SHISA9: variants seen among roughly 807,000 people sequenced by gnomAD.
SHISA9 encodes the protein shisa family member 9, also known as protein shisa-9.
Under a neutral mutation model 38.0 loss-of-function variants are expected in SHISA9, and 13 were observed. That is an observed-to-expected ratio of 0.34 (90% confidence interval 0.22 to 0.54). The LOEUF is 0.54. Ranked by LOEUF, SHISA9 falls within the 20% of genes least tolerant of loss-of-function variation. The pLI, the probability that SHISA9 is intolerant of heterozygous loss-of-function variation, is 0.91. For missense variants in SHISA9, 538 were observed against 575.8 expected (o/e 0.93, Z 0.67); for synonymous variants, 275 against 242.0 (o/e 1.14, Z -1.27).
At chr16:13,264,170 C>CT in the SHISA9 span, among the ~76,000 whole-genome samples, 19,214 of 124,274 alleles carry the variant, frequency 0.15, 1,909 homozygotes, top group East Asian at 0.37. Context: ...TGTTTTAAAT[C>CT]TTTTTTTTTT....
the SHISA9 span, among the ~76,000 whole-genome samples, chr16:13,556,865 T>C: frequency 6.6e-6 from 1 of 152,152 alleles, no homozygotes; most frequent in Admixed American, 6.5e-5. Flanking sequence ...TGTATTAGGT[T>C]TTATAAGTAA....
At chr16:13,218,851 G>A (rs187289499) in intron 4 of SHISA9, among the ~76,000 whole-genome samples, 1 of 152,194 alleles carries the variant, frequency 6.6e-6, no homozygotes, top group African/African-American at 2.4e-5. Flanking sequence ...CCATTGGAGT[G>A]CATGCATCCT....
chr16:13,324,677 G>C, the SHISA9 span, among the ~76,000 whole-genome samples: 6 of 152,146 alleles, frequency 3.9e-5, no homozygotes, highest in Non-Finnish European at 8.8e-5. Context: ...AAAAGTATCT[G>C]AGGCAGTATC....
chr16:12,967,724 G>A (rs1004974040), intron 2 of SHISA9, among the ~76,000 whole-genome samples: 7 of 151,544 alleles, frequency 4.6e-5, no homozygotes, highest in Non-Finnish European at 8.8e-5. Flanking sequence ...CCAAAGCATC[G>A]ATTCCTCTCC....
chr16:13,343,627 T>C, the SHISA9 span, among the ~76,000 whole-genome samples: 1 of 152,190 alleles, frequency 6.6e-6, no homozygotes, highest in Non-Finnish European at 1.5e-5. Flanking sequence ...AGAAATCCTA[T>C]AATTAAAGTC....
chr16:13,547,456 A>G, the SHISA9 span, among the ~76,000 whole-genome samples: 1 of 152,178 alleles, frequency 6.6e-6, no homozygotes, highest in Non-Finnish European at 1.5e-5. Flanking sequence ...CTGGAGAATA[A>G]GGAAAAATGG....
the SHISA9 span, among the ~76,000 whole-genome samples, chr16:13,495,668 AG>A: frequency 6.6e-6 from 1 of 152,020 alleles, no homozygotes; most frequent in Admixed American, 6.6e-5. Flanking sequence ...GAATGTAAAA[AG>A]TAAACATTTA....
intron 2 of SHISA9, among the ~76,000 whole-genome samples, chr16:13,006,842 C>A (rs1027737787): frequency 6.6e-6 from 1 of 152,168 alleles, no homozygotes; most frequent in East Asian, 1.9e-4. Flanking sequence ...CCCCGTCCCC[C>A]ACCCTTGGTT....
chr16:12,998,944 C>T (rs1487515850), intron 2 of SHISA9, among the ~76,000 whole-genome samples: 1 of 152,144 alleles, frequency 6.6e-6, no homozygotes, highest in African/African-American at 2.4e-5. Flanking sequence ...AGAGGAAATA[C>T]AGGGTTGGGT....
chr16:13,443,181 C>G, the SHISA9 span, among the ~76,000 whole-genome samples: 1 of 152,286 alleles, frequency 6.6e-6, no homozygotes, highest in South Asian at 2.1e-4. Flanking sequence ...TCCAACTGTA[C>G]CAAATATAAT....
chr16:13,055,640 G>T (rs1306146500), intron 2 of SHISA9, among the ~76,000 whole-genome samples: 1 of 152,116 alleles, frequency 6.6e-6, no homozygotes, highest in Non-Finnish European at 1.5e-5. Context: ...TACAAGAGCT[G>T]AGCAGAATTC....
intron 2 of SHISA9, among the ~76,000 whole-genome samples, chr16:13,088,689 A>G (rs146256808): frequency 0.051 from 7,775 of 152,318 alleles, 299 homozygotes; most frequent in Non-Finnish European, 0.071. Context: ...AAAGTTGCCT[A>G]TCAGCTTAAG....
chr16:13,437,986 C>G, the SHISA9 span, among the ~76,000 whole-genome samples: 1 of 151,658 alleles, frequency 6.6e-6, no homozygotes, highest in African/African-American at 2.4e-5. Flanking sequence ...CCGTCTCAGC[C>G]TCCCAAGTAG....
intron 2 of SHISA9, among the ~76,000 whole-genome samples, chr16:12,925,762 A>G (rs987315767): frequency 1.3e-5 from 2 of 152,212 alleles, no homozygotes; most frequent in Non-Finnish European, 2.9e-5. Flanking sequence ...TTTCTATTGG[A>G]ATATCTGGAT....
At chr16:12,929,637 C>T (rs542799004) in intron 2 of SHISA9, among the ~76,000 whole-genome samples, 10 of 151,504 alleles carry the variant, frequency 6.6e-5, no homozygotes, top group African/African-American at 1.7e-4. Flanking sequence ...TGGGGCCTCT[C>T]GGGGGTTGGG....
At chr16:13,323,588 A>G in the SHISA9 span, among the ~76,000 whole-genome samples, 16 of 152,158 alleles carry the variant, frequency 1.1e-4, no homozygotes, top group Middle Eastern at 3.2e-3. Flanking sequence ...ATCTATAAAG[A>G]AAAGAGGTTT....
At chr16:13,117,917 C>G (rs755959688) in intron 2 of SHISA9, among the ~76,000 whole-genome samples, 25 of 152,162 alleles carry the variant, frequency 1.6e-4, no homozygotes, top group Non-Finnish European at 2.4e-4. Flanking sequence ...TGTGATGGCT[C>G]ACACCTGTAA....
At chr16:12,985,356 C>T (rs2072294680) in intron 2 of SHISA9, among the ~76,000 whole-genome samples, 1 of 152,018 alleles carries the variant, frequency 6.6e-6, no homozygotes, top group Non-Finnish European at 1.5e-5. Context: ...TCTCTGTTAC[C>T]ACTTATTTCT....
intron 2 of SHISA9, among the ~76,000 whole-genome samples, chr16:12,918,703 T>C (rs996229441): frequency 6.6e-6 from 1 of 152,188 alleles, no homozygotes; most frequent in African/African-American, 2.4e-5. Context: ...ATCTTTTACA[T>C]CAAGGGAGAA....
Sources: allele counts gnomAD v4.1 joint callset (sites outside exome capture counted in the v4.1 genomes callset), GRCh38; gene constraint gnomAD v4.1.1; transcripts MANE v1.5; gene names NCBI Gene and HGNC (gene_info 2026-07-23, HGNC 2026-07-21).